Variants in YJU2B observed in about 807,000 individuals in gnomAD.
The protein encoded by YJU2B is probable splicing factor YJU2B.
YJU2B carries 18 observed loss-of-function variants against 38.0 expected under a neutral mutation model. The observed-to-expected ratio is 0.47, with a 90% CI of 0.33 to 0.70. The LOEUF is 0.70. YJU2B is among the 30% of genes least tolerant of loss of function. The pLI is 0.02. For missense variants in YJU2B, 538 were observed against 556.3 expected (o/e 0.97, Z 0.33); for synonymous variants, 246 against 225.4 (o/e 1.09, Z -0.82).
chr19:13,759,948 C>T (rs1469752654), intron 8 of YJU2B, among the ~76,000 whole-genome samples: 1 of 152,106 alleles, frequency 6.6e-6, no homozygotes, highest in South Asian at 2.1e-4. Context: ...TAGGCATGCA[C>T]CATCACGCAC....
Position 13,751,590 on chromosome 19 carries a change from C to T in YJU2B, c.-201-18C>T. On this transcript the variant is annotated intron_variant, in intron 1 of 9. Coordinates refer to ENST00000221554, the MANE Select transcript of YJU2B (RefSeq NM_030818.4). Reference sequence around the variant, plus strand: ...TATATTGGCTGTAGAGTGGACGGGACTCTCTCTTTCTAAACAGACACGCCG... The same window carrying T: ...TATATTGGCTGTAGAGTGGACGGGATTCTCTCTTTCTAAACAGACACGCCG... 1 of 580,490 alleles carries T rather than the reference C, an allele frequency of 1.7e-6. No homozygotes were observed. The highest frequency in any genetic ancestry group is 3.0e-5 in the Admixed American group (1 of 33,292). 36.0% of individuals were successfully genotyped at this position (580,490 alleles called of 1,614,324 possible). A position where few individuals can be genotyped will look rare whatever the true frequency, so the allele number is the denominator to read the frequency against.
upstream of YJU2B, among the ~76,000 whole-genome samples, chr19:13,745,165 C>T (rs1045056983): frequency 2.6e-5 from 4 of 152,154 alleles, no homozygotes; most frequent in African/African-American, 9.7e-5. Flanking sequence ...GCCTGTCTCA[C>T]CATCTGTAAA....
intron 2 of YJU2B, among the ~76,000 whole-genome samples, chr19:13,738,805 G>C (rs1393787631): frequency 6.6e-6 from 1 of 151,608 alleles, no homozygotes; most frequent in East Asian, 1.9e-4. Flanking sequence ...CAGGAGAATG[G>C]TGTGAACCCG....
chr19:13,761,688 C>T (rs1973891759), intron 8 of YJU2B: 2 of 151,838 alleles, frequency 1.3e-5, no homozygotes, highest in Admixed American at 1.3e-4. Context: ...GGAGACCAGC[C>T]TGGGCAACAT....
intron 2 of YJU2B, among the ~76,000 whole-genome samples, chr19:13,753,006 C>T (rs1315729673): frequency 6.6e-6 from 1 of 152,174 alleles, no homozygotes; most frequent in African/African-American, 2.4e-5. Context: ...TGTGTATCTG[C>T]CCAGTGGCAA....
chr19:13,742,294 C>CT (rs552865402), intron 2 of YJU2B, among the ~76,000 whole-genome samples: 1,885 of 111,926 alleles, frequency 0.017, 217 homozygotes, highest in African/African-American at 0.039. Flanking sequence ...TTGAGTCCCA[C>CT]TTTTTTTTTT....
chr19:13,763,082 T>C lies in YJU2B; in HGVS notation c.*14T>C, dbSNP rs766910046. The C allele has an allele frequency of 3.3e-6, 5 of 1,531,604 alleles. No homozygotes were observed. Among genetic ancestry groups the C allele is most frequent in the Middle Eastern group, 2.3e-4 (1 of 4,386 alleles). 94.9% of individuals were successfully genotyped at this position (1,531,604 alleles called of 1,614,324 possible). Reference sequence around the variant, plus strand: ...GAGAGTGAGTGAGCGATCCCCATCCTGGAGACTGGACCCGCTCTAGAGGCC... The same window carrying C: ...GAGAGTGAGTGAGCGATCCCCATCCCGGAGACTGGACCCGCTCTAGAGGCC... On this transcript the variant is annotated 3_prime_UTR_variant, in exon 10 of 10. Transcript: ENST00000221554.
intron 2 of YJU2B, among the ~76,000 whole-genome samples, chr19:13,741,207 T>C (rs1425271644): frequency 6.7e-6 from 1 of 148,564 alleles, no homozygotes; most frequent in African/African-American, 2.5e-5. Context: ...CAAGCTGCAG[T>C]GCAATGGCGT....
intron 2 of YJU2B, chr19:13,732,387 T>C (rs1192692608): frequency 6.6e-6 from 1 of 151,910 alleles, no homozygotes; most frequent in Non-Finnish European, 1.5e-5. Context: ...ATGCCCAAAA[T>C]GCCCCAAACG....
Position 13,763,184 on chromosome 19 carries a change from C to A in YJU2B, c.*116C>A. 1 of 798,836 alleles carries A rather than the reference C, an allele frequency of 1.3e-6. No homozygotes were observed. The highest frequency in any genetic ancestry group is 1.9e-5 in the South Asian group (1 of 53,560). 49.5% of individuals were successfully genotyped at this position (798,836 alleles called of 1,614,324 possible). On this transcript the variant is annotated 3_prime_UTR_variant, in exon 10 of 10. Transcript: ENST00000221554. ...CAGCCCTGGGAGAGCTCAGATGCCG[C>A]ATCCTCCCCAGACCGCGCCTTCCTG...
rs1253652796 is a variant in YJU2B, at chr19:13,759,223, C to T, written c.524C>T (p.Ala175Val). Residue 175 changes from alanine (A) to valine (V), a missense_variant, in exon 8 of 10, where the codon GCC (alanine) becomes GTC (valine). This residue lies in a region of YJU2B where 488 missense variants were observed against 469.5 expected (regional missense o/e 1.04). Coordinates refer to ENST00000221554, the MANE Select transcript of YJU2B (RefSeq NM_030818.4). ...TLSHIQEAQS[A>V]WKDDFALNSM... The stretch of plus-strand genomic sequence containing the variant: ...AGCCACATCCAGGAGGCCCAGAGCG[C>T]CTGGAAGGACGACTTCGCCCTCAAC... 4 of 1,613,254 alleles carry T rather than the reference C, an allele frequency of 2.5e-6. No homozygotes were observed. The highest frequency in any genetic ancestry group is 1.3e-5 in the African/African-American group (1 of 74,932).
chr19:13,755,417 C>T (rs539605380), intron 3 of YJU2B, among the ~76,000 whole-genome samples: 38 of 147,542 alleles, frequency 2.6e-4, no homozygotes, highest in South Asian at 8.6e-4. Flanking sequence ...GCCGAGATCA[C>T]GCCACTGCAC....
Position 13,757,493 on chromosome 19 carries a change from C to G in YJU2B, c.196+20C>G, listed in dbSNP as rs992986553. On this transcript the variant is annotated intron_variant, in intron 5 of 9. Coordinates refer to ENST00000221554, the MANE Select transcript of YJU2B (RefSeq NM_030818.4). ...GCATGGGTGAGCCTCTGCCCACCCT[C>G]CATTCAGTCCTGCAAACATCAGACC... 3 of 1,607,802 alleles carry G rather than the reference C, an allele frequency of 1.9e-6. No individual in the cohort carries two copies. Among genetic ancestry groups the G allele is most frequent in the South Asian group, 1.1e-5 (1 of 90,922 alleles).
chr19:13,745,614 G>A (rs1973209281), upstream of YJU2B, among the ~76,000 whole-genome samples: 1 of 149,448 alleles, frequency 6.7e-6, no homozygotes, highest in African/African-American at 2.5e-5. Flanking sequence ...TTGTGCCTTT[G>A]CTCTCCAGCC....
chr19:13,761,049 G>A (rs1461428851), intron 8 of YJU2B, among the ~76,000 whole-genome samples: 6 of 152,040 alleles, frequency 3.9e-5, no homozygotes, highest in African/African-American at 1.2e-4. Context: ...GATTACAGGC[G>A]TGAGCCACTG....
At chr19:13,747,697 G>A (rs1218224498), upstream of YJU2B, 1 of 152,474 alleles carries the variant, frequency 6.6e-6, no homozygotes, top group Admixed American at 6.5e-5. Context: ...GCGGGCCTCG[G>A]ATTGGGCCTC....
At chr19:13,736,714 C>T (rs1045336985) in intron 2 of YJU2B, among the ~76,000 whole-genome samples, 8 of 151,950 alleles carry the variant, frequency 5.3e-5, no homozygotes, top group Admixed American at 3.9e-4. Context: ...CAGTCTTTGC[C>T]GTTTTGTTTT....
chr19:13,763,080 C>G lies in YJU2B; in HGVS notation c.*12C>G, dbSNP rs761199578. On this transcript the variant is annotated 3_prime_UTR_variant, in exon 10 of 10. Coordinates refer to ENST00000221554, the MANE Select transcript of YJU2B (RefSeq NM_030818.4). ...CGGAGAGTGAGTGAGCGATCCCCATCCTGGAGACTGGACCCGCTCTAGAGG... is the reference window on the plus strand; with the variant it reads ...CGGAGAGTGAGTGAGCGATCCCCATGCTGGAGACTGGACCCGCTCTAGAGG... 12 of 1,532,636 alleles carry G rather than the reference C, an allele frequency of 7.8e-6. No individual in the cohort carries two copies. Among genetic ancestry groups the G allele is most frequent in the Non-Finnish European group, 1.1e-5 (12 of 1,139,160 alleles). The allele number at this position is 1,532,636 out of a possible 1,614,324, so 94.9% of individuals were successfully genotyped here. A position where few individuals can be genotyped will look rare whatever the true frequency, so the allele number is the denominator to read the frequency against.
intron 5 of YJU2B, 141 bp downstream of exon 5, chr19:13,757,614 G>T (rs1599529729): frequency 6.6e-6 from 7 of 1,060,876 alleles, no homozygotes; most frequent in Middle Eastern, 2.7e-4. Flanking sequence ...GGCCATGGAA[G>T]CCCCTTTGCA....
Sources: allele counts gnomAD v4.1 joint callset (sites outside exome capture counted in the v4.1 genomes callset), GRCh38; gene constraint gnomAD v4.1.1; regional missense constraint gnomAD v4.1.1; transcripts MANE v1.5; gene names NCBI Gene and HGNC (gene_info 2026-07-23, HGNC 2026-07-21).